CDH13: variants seen among roughly 807,000 people sequenced by gnomAD.
The protein encoded by CDH13 is cadherin 13.
In CDH13, 24 loss-of-function variants were observed where a neutral mutation model predicts 63.8. That is an observed-to-expected ratio of 0.38 (90% CI 0.27 to 0.53). The LOEUF (loss-of-function observed/expected upper bound fraction) is 0.53, where lower values mean the gene tolerates loss of function less well. Ranked by LOEUF, CDH13 falls within the 20% of genes least tolerant of loss-of-function variation. CDH13 has a pLI of 0.85. For missense variants in CDH13, 1,049 were observed against 903.1 expected (o/e 1.16, Z -2.07); for synonymous variants, 503 against 355.3 (o/e 1.42, Z -4.67).
chr16:83,413,842 T>A (rs544700819), intron 6 of CDH13, among the ~76,000 whole-genome samples: 15 of 151,884 alleles, frequency 9.9e-5, no homozygotes, highest in African/African-American at 2.9e-4. Context: ...ACAAAAAAAA[T>A]TTGCTAGGTG....
chr16:82,663,708 G>A (rs1463504244), intron 1 of CDH13, among the ~76,000 whole-genome samples: 1 of 152,134 alleles, frequency 6.6e-6, no homozygotes, highest in Non-Finnish European at 1.5e-5. Context: ...TTTTCCTGTT[G>A]ATCTGGTTGT....
At chr16:82,689,413 C>A (rs1287359705) in intron 1 of CDH13, among the ~76,000 whole-genome samples, 1 of 152,146 alleles carries the variant, frequency 6.6e-6, no homozygotes, top group East Asian at 1.9e-4. Context: ...CTATCATTAT[C>A]ATAGTCAGTT....
chr16:82,711,585 A>G lies in CDH13; in HGVS notation c.45+84448A>G, dbSNP rs560063144. On this transcript the variant is annotated intron_variant, in intron 1 of 13. Transcript: ENST00000567109. ...AATTCCAACATAGACCTACCTTCTT[A>G]TTGCACAGACAAAGACACTGAGATC... Among the ~76,000 whole-genome samples, 10 of 152,244 alleles carry G rather than the reference A, an allele frequency of 6.6e-5. No homozygotes were observed. In the South Asian group the frequency reaches 2.1e-3, roughly 32 times the overall value.
chr16:83,146,496 A>G (rs1258641354), intron 4 of CDH13, among the ~76,000 whole-genome samples: 3 of 151,224 alleles, frequency 2.0e-5, no homozygotes, highest in Admixed American at 1.3e-4. Flanking sequence ...AGGCCATCCT[A>G]TCTAAGGCTG....
intron 3 of CDH13, among the ~76,000 whole-genome samples, chr16:83,033,244 T>C (rs1916539574): frequency 6.6e-6 from 1 of 152,194 alleles, no homozygotes. Context: ...TGACCTTCAG[T>C]GACTTCAGTA....
chr16:82,773,902 G>A (rs893116437), intron 1 of CDH13, among the ~76,000 whole-genome samples: 10 of 151,690 alleles, frequency 6.6e-5, no homozygotes, highest in African/African-American at 2.4e-4. Flanking sequence ...TCCTGCTTCA[G>A]CCTCCCAAGT....
chr16:82,670,364 C>G (rs80130522), intron 1 of CDH13, among the ~76,000 whole-genome samples: 207 of 152,326 alleles, frequency 1.4e-3, no homozygotes, highest in African/African-American at 4.9e-3. Flanking sequence ...TTCCTTCTCT[C>G]CACCTTCCCC....
intron 6 of CDH13, among the ~76,000 whole-genome samples, chr16:83,391,771 T>G (rs187175378): frequency 6.6e-6 from 1 of 152,202 alleles, no homozygotes; most frequent in Non-Finnish European, 1.5e-5. Flanking sequence ...TTTTCCAGAA[T>G]TGGTGAGATT....
chr16:82,728,880 G>C (rs1192354764), intron 1 of CDH13, among the ~76,000 whole-genome samples: 4 of 152,090 alleles, frequency 2.6e-5, no homozygotes, highest in African/African-American at 4.8e-5. Flanking sequence ...TTTGTCAACT[G>C]GTTTAGGTAC....
intron 6 of CDH13, among the ~76,000 whole-genome samples, chr16:83,392,578 C>G (rs891624964): frequency 6.6e-6 from 1 of 152,184 alleles, no homozygotes; most frequent in African/African-American, 2.4e-5. Flanking sequence ...TTCCACCTGT[C>G]TTAGGTGTGC....
At chr16:82,810,538 C>A (rs1472988407) in intron 1 of CDH13, among the ~76,000 whole-genome samples, 4 of 152,110 alleles carry the variant, frequency 2.6e-5, no homozygotes, top group African/African-American at 9.7e-5. Flanking sequence ...GACAAGGGTG[C>A]TTTTCTGTGG....
chr16:83,666,157 T>C (rs1322453006), intron 8 of CDH13, among the ~76,000 whole-genome samples: 5 of 152,262 alleles, frequency 3.3e-5, no homozygotes, highest in Non-Finnish European at 7.3e-5. Flanking sequence ...CCTGCTCTAG[T>C]GTGGTAAATT....
At chr16:83,461,998 A>G (rs1189220863) in intron 6 of CDH13, among the ~76,000 whole-genome samples, 15 of 152,236 alleles carry the variant, frequency 9.9e-5, no homozygotes, top group Admixed American at 9.8e-4. Context: ...GGTGGGCTCC[A>G]TGGCTCCAAC....
intron 11 of CDH13, among the ~76,000 whole-genome samples, chr16:83,774,394 A>G (rs1181208211): frequency 6.6e-6 from 1 of 151,810 alleles, no homozygotes; most frequent in Non-Finnish European, 1.5e-5. Context: ...TTTCTTTGAG[A>G]CAGAGTCTTG....
In CDH13 at chr16:83,165,156, A is replaced by G. The variant is rs756622333; in HGVS notation, c.483+39655A>G. Among the ~76,000 whole-genome samples the G allele has an allele frequency of 1.8e-4, 28 of 152,068 alleles. 1 individual carries two copies. The highest frequency in any genetic ancestry group is 3.4e-4 in the Non-Finnish European group (23 of 67,996). On this transcript the variant is annotated intron_variant, in intron 4 of 13. Coordinates refer to ENST00000567109, the MANE Select transcript of CDH13 (RefSeq NM_001257.5). ...AATTTAGGAATCCCTAAGAAGGAGAACTAGAGGATCAAGGGAAAAAGGCCA... is the reference window on the plus strand; with the variant it reads ...AATTTAGGAATCCCTAAGAAGGAGAGCTAGAGGATCAAGGGAAAAAGGCCA...
intron 2 of CDH13, among the ~76,000 whole-genome samples, chr16:82,991,855 A>G (rs1171124639): frequency 6.6e-6 from 1 of 152,174 alleles, no homozygotes; most frequent in Non-Finnish European, 1.5e-5. Context: ...TAATTCTGCC[A>G]ATTTAACAAA....
intron 5 of CDH13, among the ~76,000 whole-genome samples, chr16:83,262,341 G>GGA (rs1051322393): frequency 6.6e-6 from 1 of 152,156 alleles, no homozygotes; most frequent in Non-Finnish European, 1.5e-5. Context: ...AGATGTGTAG[G>GGA]GAGACTCTGA....
rs1909913477 is a variant in CDH13 at position 82,644,971 on chromosome 16, G to C, written c.45+17834G>C. Among the ~76,000 whole-genome samples, 3 of 152,214 alleles carry C rather than the reference G, an allele frequency of 2.0e-5. No homozygotes were observed. The highest frequency in any genetic ancestry group is 2.0e-4 in the Admixed American group (3 of 15,292). On this transcript the variant is annotated intron_variant, in intron 1 of 13. Transcript: ENST00000567109. The surrounding 1 kb of genome is among the most constrained non-coding windows in gnomAD (Gnocchi z 5.7). ...TATTTTGGAAAACTCTGGAGTTAGA[G>C]AAGTGGACCAGATTGGGTTTTGTTT...
At chr16:83,768,256 A>T (rs1914531544) in intron 11 of CDH13, among the ~76,000 whole-genome samples, 1 of 122,732 alleles carries the variant, frequency 8.1e-6, no homozygotes, top group Admixed American at 9.6e-5. Context: ...TAGCTACTGA[A>T]CAACAGAACC....
Sources: allele counts gnomAD v4.1 joint callset (sites outside exome capture counted in the v4.1 genomes callset), GRCh38; gene constraint gnomAD v4.1.1; non-coding constraint Gnocchi (gnomAD v3.1); transcripts MANE v1.5; gene names NCBI Gene and HGNC (gene_info 2026-07-23, HGNC 2026-07-21).